PLD1: variants seen among roughly 807,000 people sequenced by gnomAD.
PLD1 encodes the protein phospholipase D1.
A neutral mutation model predicts 137.1 loss-of-function variants in PLD1; 112 were observed. That is an observed-to-expected ratio of 0.82 (90% CI 0.70 to 0.96). The LOEUF (loss-of-function observed/expected upper bound fraction) is 0.96. Ranked by LOEUF, PLD1 falls within the 40% of genes least tolerant of loss-of-function variation. The pLI is 0.00. For synonymous variants in PLD1, 431 were observed against 454.7 expected (o/e 0.95, Z 0.66); for missense variants, 1,321 against 1,342.0 (o/e 0.98, Z 0.24).
At chr3:171,731,024 A>ATAAGTT (rs10663361) in intron 6 of PLD1, among the ~76,000 whole-genome samples, 54,496 of 151,630 alleles carry the variant, frequency 0.36, 10,837 homozygotes, top group African/African-American at 0.51. Context: ...CAAACTCCTG[A>ATAAGTT]TGATAAGAAT....
At chr3:171,715,756 T>C (rs1305445150) in intron 8 of PLD1, among the ~76,000 whole-genome samples, 1 of 152,162 alleles carries the variant, frequency 6.6e-6, no homozygotes, top group Non-Finnish European at 1.5e-5. Context: ...TGTCAATAGA[T>C]ATATTTTTTT....
At chr3:171,710,419 G>C (rs1717089323) in intron 9 of PLD1, among the ~76,000 whole-genome samples, 1 of 152,168 alleles carries the variant, frequency 6.6e-6, no homozygotes, top group Non-Finnish European at 1.5e-5. Context: ...GTAGTTTCGA[G>C]ATGAAACCGT....
At chr3:171,764,895 GGA>G (rs776742310) in intron 1 of PLD1, among the ~76,000 whole-genome samples, 2 of 21,964 alleles carry the variant, frequency 9.1e-5, no homozygotes, top group Non-Finnish European at 9.7e-5. Flanking sequence ...AAGAAAGAAA[GGA>G]AGGAAGGAAG....
At chr3:171,733,294 A>G (rs1719086569) in intron 6 of PLD1, 150 bp downstream of exon 6, 1 of 523,898 alleles carries the variant, frequency 1.9e-6, no homozygotes, top group African/African-American at 2.0e-5. Flanking sequence ...TTGCTGTAAA[A>G]TCAACTTTGT....
chr3:171,761,231 C>T (rs941423654), intron 1 of PLD1, among the ~76,000 whole-genome samples: 1 of 152,146 alleles, frequency 6.6e-6, no homozygotes, highest in Non-Finnish European at 1.5e-5. Context: ...TATAGTCAGG[C>T]AAAGAAGGGT....
intron 1 of PLD1, among the ~76,000 whole-genome samples, chr3:171,768,367 T>C (rs1256348501): frequency 6.6e-6 from 1 of 152,084 alleles, no homozygotes; most frequent in Non-Finnish European, 1.5e-5. Context: ...AGGTTAGGCA[T>C]GGAAAAGGCA....
rs778583729 is a variant in PLD1, at chr3:171,642,854, T to A, written c.2579A>T (p.Gln860Leu). Residue 860 changes from glutamine (Q) to leucine (L), a missense_variant, in exon 23 of 27, where the codon CAG becomes CTG. Transcript: ENST00000351298. ...MCRGENSILG[Q>L]LKAELGNQWI... ...CAGTTACTTACGCTCTGCTTTTAAC[T>A]GTCCAAGGATGGAATTTTCTCCTCT... 3 of 1,584,584 alleles carry A rather than the reference T, an allele frequency of 1.9e-6. No individual in the cohort carries two copies. The highest frequency in any genetic ancestry group is 1.4e-5 in the African/African-American group (1 of 73,632).
At chr3:171,756,148 T>TA (rs1200780607) in intron 1 of PLD1, among the ~76,000 whole-genome samples, 5 of 152,186 alleles carry the variant, frequency 3.3e-5, no homozygotes, top group African/African-American at 4.8e-5. Flanking sequence ...TACCTGGACA[T>TA]AGAGTACAAG....
chr3:171,720,048 A>C (rs979522870), intron 8 of PLD1, among the ~76,000 whole-genome samples: 1 of 152,264 alleles, frequency 6.6e-6, no homozygotes, highest in East Asian at 1.9e-4. Flanking sequence ...TAATCCCAGC[A>C]CTTTGGAAGG....
chr3:171,687,351 T>C lies in PLD1; in HGVS notation c.1753+20A>G. 6.3e-7 allele frequency: 1 copy of C among 1,597,070 alleles called. No homozygotes were observed. The highest frequency in any genetic ancestry group is 1.1e-5 in the South Asian group (1 of 90,734). ...AACAGTGGGTAGTTAAGATAAATTC[T>C]AGTCAAGGCCATGACTTACTGGAGG... On this transcript the variant is annotated intron_variant, in intron 15 of 26. Transcript: ENST00000351298.
chr3:171,654,127 C>T (rs775035458), intron 21 of PLD1: 28 of 358,306 alleles, frequency 7.8e-5, no homozygotes, highest in Non-Finnish European at 1.2e-4. Context: ...ATGGTGAAAC[C>T]CCGTCTCCAC....
In PLD1 at chr3:171,659,254, C is replaced by G; in HGVS notation, c.2388G>C (p.Lys796Asn). ...TCCTCTGGGCAATGGCATCGCCTAT[C>G]TTGTTGAACACAACTTTGTCATCAG... is the stretch of plus-strand genomic sequence containing the variant. ...SCADDKVVFN[K>N]IGDAIAQRIL... Residue 796 changes from lysine to asparagine, a missense_variant, in exon 21 of 27, where the codon AAG becomes AAC. Lys to Asn is a moderately conservative substitution (Grantham distance 94). Transcript: ENST00000351298. 1 of 1,613,832 alleles carries G rather than the reference C, an allele frequency of 6.2e-7. No individual in the cohort carries two copies. Among genetic ancestry groups the G allele is most frequent in the Middle Eastern group, 1.6e-4 (1 of 6,062 alleles).
chr3:171,660,271 A>G (rs1486466311), intron 20 of PLD1, among the ~76,000 whole-genome samples: 2 of 152,244 alleles, frequency 1.3e-5, no homozygotes, highest in Admixed American at 1.3e-4. Flanking sequence ...AGACAAACTT[A>G]CAGGAAGACA....
chr3:171,648,355 A>G (rs1236901095), intron 21 of PLD1, among the ~76,000 whole-genome samples: 1 of 152,132 alleles, frequency 6.6e-6, no homozygotes, highest in Non-Finnish European at 1.5e-5. Flanking sequence ...GTGAAAAAAA[A>G]TCTCTCTCAC....
At chr3:171,764,726 G>A (rs1000928657) in intron 1 of PLD1, among the ~76,000 whole-genome samples, 1 of 150,956 alleles carries the variant, frequency 6.6e-6, no homozygotes, top group Non-Finnish European at 1.5e-5. Flanking sequence ...TTGTCTACAC[G>A]GTCTTTGAAA....
At chr3:171,738,396 T>C (rs550701709) in intron 1 of PLD1, among the ~76,000 whole-genome samples, 1 of 152,138 alleles carries the variant, frequency 6.6e-6, no homozygotes, top group Non-Finnish European at 1.5e-5. Flanking sequence ...TCAAGGGAGA[T>C]TGGTTTGGGA....
At chr3:171,634,137 T>C (rs1578150431) in intron 23 of PLD1, among the ~76,000 whole-genome samples, 1 of 152,314 alleles carries the variant, frequency 6.6e-6, no homozygotes, top group South Asian at 2.1e-4. Context: ...CATATGAACA[T>C]TTTCCCCACT....
In PLD1 at chr3:171,700,346, T is replaced by C. The variant is rs545447541; in HGVS notation, c.1146-520A>G. On this transcript the variant is annotated intron_variant, in intron 11 of 26. Coordinates refer to ENST00000351298, the MANE Select transcript of PLD1 (RefSeq NM_002662.5). ...CACACACACACACACTCTCTCTCTC[T>C]CTCTCCCTCTCCCTCTCTTTCGCTC... Among the ~76,000 whole-genome samples the C allele has an allele frequency of 1.3e-3, 202 of 151,472 alleles. 1 individual carries two copies. The highest frequency in any genetic ancestry group is 4.4e-3 in the African/African-American group (182 of 41,214).
At chr3:171,772,805 T>C (rs1344236469) in intron 1 of PLD1, among the ~76,000 whole-genome samples, 1 of 152,174 alleles carries the variant, frequency 6.6e-6, no homozygotes, top group African/African-American at 2.4e-5. Flanking sequence ...TTCCCCACAA[T>C]AGTGATATAT....
Sources: allele counts gnomAD v4.1 joint callset (sites outside exome capture counted in the v4.1 genomes callset), GRCh38; gene constraint gnomAD v4.1.1; transcripts MANE v1.5; gene names NCBI Gene and HGNC (gene_info 2026-07-23, HGNC 2026-07-21).